UBE3C: variants seen among roughly 807,000 people sequenced by gnomAD.
UBE3C encodes the protein ubiquitin-protein ligase E3C.
In UBE3C, 42 loss-of-function variants were observed where a neutral mutation model predicts 129.4. The observed-to-expected ratio is 0.32, with a 90% CI of 0.25 to 0.42. The LOEUF (loss-of-function observed/expected upper bound fraction) is 0.42. Among genes scored for constraint, UBE3C ranks in the 10% least tolerant of loss-of-function variants. The pLI, the probability that UBE3C is intolerant of heterozygous loss-of-function variation, is 1.00. For synonymous variants in UBE3C, 510 were observed against 492.4 expected (o/e 1.04, Z -0.47); for missense variants, 1,049 against 1,319.1 (o/e 0.80, Z 3.17).
chr7:157,233,861 A>G (rs1339822144), intron 18 of UBE3C, among the ~76,000 whole-genome samples: 1 of 152,242 alleles, frequency 6.6e-6, no homozygotes, highest in Non-Finnish European at 1.5e-5. Flanking sequence ...GTCAGCACTT[A>G]CTTAGTGTTG....
At position 157,267,780 on chromosome 7, in the gene UBE3C, A is replaced by G; in HGVS notation, c.*25A>G. ...AAGCTGATGCTGGGGTCAGACCCCT[A>G]CAGAGAACCAGTGCTTCCTTCGTCA... On this transcript the variant is annotated 3_prime_UTR_variant, in exon 23 of 23. Coordinates refer to ENST00000348165, the MANE Select transcript of UBE3C (RefSeq NM_014671.3). 1 of 1,547,302 alleles carries G rather than the reference A, an allele frequency of 6.5e-7. No homozygotes were observed. Among genetic ancestry groups the G allele is most frequent in the East Asian group, 2.4e-5 (1 of 42,504 alleles).
At chr7:157,230,750 G>A (rs1461890444) in intron 17 of UBE3C, among the ~76,000 whole-genome samples, 1 of 150,032 alleles carries the variant, frequency 6.7e-6, no homozygotes, top group Non-Finnish European at 1.5e-5. Context: ...TATCTGTATT[G>A]GGCCGCATTC....
chr7:157,242,304 G>A (rs185403541), intron 18 of UBE3C, among the ~76,000 whole-genome samples: 4 of 152,258 alleles, frequency 2.6e-5, no homozygotes, highest in African/African-American at 9.6e-5. Context: ...TGTTGTTAGG[G>A]AAACATAGTA....
rs762937740 is a variant in UBE3C at position 157,220,738 on chromosome 7, G to A, written c.1964G>A (p.Arg655Gln). 13 of 1,614,180 alleles carry A rather than the reference G, an allele frequency of 8.1e-6. No individual in the cohort carries two copies. Among genetic ancestry groups the A allele is most frequent in the South Asian group, 5.5e-5 (5 of 91,084 alleles). ...PASRHVWRFR[R>Q]MGRIGPLQST... is the part of the protein sequence containing the mutation. ...TCCAGACATGTGTGGAGGTTCCGGC[G>A]GATGGGGAGGATAGGCCCGCTGCAG... The change falls in exon 15 of 23, where the codon CGG (arginine) becomes CAG (glutamine). Residue 655 changes from arginine to glutamine, a missense_variant. Transcript: ENST00000348165.
At chr7:157,196,913 G>C (rs966071122) in intron 10 of UBE3C, among the ~76,000 whole-genome samples, 1 of 152,212 alleles carries the variant, frequency 6.6e-6, no homozygotes, top group African/African-American at 2.4e-5. Context: ...AGGTTGTGGT[G>C]AGCGGAGATA....
At position 157,261,306 on chromosome 7, in the gene UBE3C, GAAAAAAAAAAA is replaced by G. The variant is rs57114090; in HGVS notation, c.3081+4285_3081+4295del. 2.3e-4 allele frequency among the ~76,000 whole-genome samples: 18 copies of G among 78,030 alleles called. No individual in the cohort carries two copies. The South Asian group carries it at 2.8e-3, about 12-fold the overall frequency. The allele number at this position is 78,030 out of a possible 152,430, so 51.2% of individuals were successfully genotyped here. ...GGGCAACAAGAGCAAAACTCTGTCTGAAAAAAAAAAAAAAAAAAAAAAAAAAAAAAAAATCC... is the reference window on the plus strand; with the variant it reads ...GGGCAACAAGAGCAAAACTCTGTCTGAAAAAAAAAAAAAAAAAAAAAATCC... On this transcript the variant is annotated intron_variant, in intron 22 of 22. Coordinates refer to ENST00000348165, the MANE Select transcript of UBE3C (RefSeq NM_014671.3).
intron 2 of UBE3C, among the ~76,000 whole-genome samples, chr7:157,166,293 A>G (rs2116871434): frequency 6.6e-6 from 1 of 152,238 alleles, no homozygotes; most frequent in East Asian, 1.9e-4. Context: ...TGTATTTTGT[A>G]TTTCTTTAAA....
chr7:157,158,889 T>A (rs988001088), intron 1 of UBE3C, among the ~76,000 whole-genome samples: 2 of 152,218 alleles, frequency 1.3e-5, no homozygotes, highest in Non-Finnish European at 2.9e-5. Context: ...TGGGTTAATA[T>A]GAGAATTTGG....
In UBE3C at chr7:157,223,690, G is replaced by A. The variant is rs540173596; in HGVS notation, c.2100+339G>A. Among the ~76,000 whole-genome samples the A allele has an allele frequency of 8.6e-4, 131 of 152,258 alleles. 1 individual carries two copies. The highest frequency in any genetic ancestry group is 3.1e-3 in the African/African-American group (129 of 41,558). On this transcript the variant is annotated intron_variant, in intron 16 of 22. Transcript: ENST00000348165. ...TGTAATCCCAGCACTTTGGGAGGCCGAGGCAGGTGGATCGAGCCCATGAGT... is the reference window on the plus strand; with the variant it reads ...TGTAATCCCAGCACTTTGGGAGGCCAAGGCAGGTGGATCGAGCCCATGAGT...
intron 11 of UBE3C, among the ~76,000 whole-genome samples, chr7:157,204,596 A>T (rs533829542): frequency 6.6e-6 from 1 of 152,174 alleles, no homozygotes; most frequent in Non-Finnish European, 1.5e-5. Flanking sequence ...GTGAATTTTG[A>T]CACATCAGAC....
chr7:157,210,005 C>A (rs1351632814), intron 13 of UBE3C, among the ~76,000 whole-genome samples: 1 of 152,150 alleles, frequency 6.6e-6, no homozygotes, highest in African/African-American at 2.4e-5. Flanking sequence ...ATGGTGAAAC[C>A]CCATCTCTAC....
chr7:157,205,172 A>G (rs1400653413), intron 11 of UBE3C, among the ~76,000 whole-genome samples: 2 of 152,224 alleles, frequency 1.3e-5, no homozygotes, highest in African/African-American at 2.4e-5. Flanking sequence ...GCAGAGAACT[A>G]AGAGACCTGT....
At chr7:157,261,024 C>G (rs1479842905) in intron 22 of UBE3C, among the ~76,000 whole-genome samples, 1 of 151,930 alleles carries the variant, frequency 6.6e-6, no homozygotes, top group African/African-American at 2.4e-5. Context: ...ATAGACTGGC[C>G]AGGTGCGGTG....
chr7:157,190,517 C>T (rs1422810037), intron 10 of UBE3C, among the ~76,000 whole-genome samples: 1 of 152,130 alleles, frequency 6.6e-6, no homozygotes, highest in Non-Finnish European at 1.5e-5. Flanking sequence ...TGGCCAGGGG[C>T]TACCTTATTG....
intron 13 of UBE3C, among the ~76,000 whole-genome samples, chr7:157,215,910 TA>T (rs2117031869): frequency 6.6e-6 from 1 of 152,376 alleles, no homozygotes; most frequent in South Asian, 2.1e-4. Flanking sequence ...GTCAGTCATT[TA>T]GTACCTGCTA....
intron 5 of UBE3C, 103 bp downstream of exon 5, chr7:157,175,137 C>CTTTTTTTTTTTTTTTTTTTTT (rs56852731): frequency 2.6e-5 from 6 of 226,512 alleles, no homozygotes; most frequent in African/African-American, 4.3e-5. Context: ...CTTTTCCATA[C>CTTTTTTTTTTTTTTTTTTTTT]TTTTTTTTTT....
chr7:157,160,804 C>T (rs1808048824), intron 1 of UBE3C, among the ~76,000 whole-genome samples: 7 of 152,262 alleles, frequency 4.6e-5, no homozygotes, highest in Admixed American at 4.6e-4. Flanking sequence ...TTTTCTCTTT[C>T]CTTCTACATT....
At chr7:157,206,814 C>T (rs942349153) in intron 11 of UBE3C, among the ~76,000 whole-genome samples, 2 of 152,166 alleles carry the variant, frequency 1.3e-5, no homozygotes, top group African/African-American at 4.8e-5. Context: ...GTAAAGACCA[C>T]CTTAGCTGCT....
chr7:157,140,309 C>T (rs1281963654), intron 1 of UBE3C, among the ~76,000 whole-genome samples: 1 of 152,114 alleles, frequency 6.6e-6, no homozygotes, highest in Non-Finnish European at 1.5e-5. Flanking sequence ...GGAGGAACTG[C>T]TGTTATTAAG....
Sources: allele counts gnomAD v4.1 joint callset (sites outside exome capture counted in the v4.1 genomes callset), GRCh38; gene constraint gnomAD v4.1.1; transcripts MANE v1.5; gene names NCBI Gene and HGNC (gene_info 2026-07-23, HGNC 2026-07-21).